Variants in PPDPFL observed in about 807,000 individuals in gnomAD.
The protein encoded by PPDPFL is pancreatic progenitor cell differentiation and proliferation factor like.
In PPDPFL, 12 loss-of-function variants were observed where a neutral mutation model predicts 12.6. That is an observed-to-expected ratio of 0.95 (90% CI 0.61 to 1.54). The LOEUF (loss-of-function observed/expected upper bound fraction) is 1.54, where lower values mean the gene tolerates loss of function less well. PPDPFL is among the 40% of genes most tolerant of loss of function. The pLI is 0.00. For synonymous variants in PPDPFL, 24 were observed against 32.7 expected (o/e 0.73, Z 0.91); for missense variants, 114 against 96.0 (o/e 1.19, Z -0.78).
upstream of PPDPFL, among the ~76,000 whole-genome samples, chr8:49,069,813 T>C (rs1041562737): frequency 6.6e-6 from 1 of 152,138 alleles, no homozygotes; most frequent in East Asian, 1.9e-4. Context: ...TGTCTGCCTA[T>C]AGTCCCAGCT....
At chr8:49,061,395 A>T (rs1808199868) in intron 1 of PPDPFL, among the ~76,000 whole-genome samples, 1 of 152,140 alleles carries the variant, frequency 6.6e-6, no homozygotes, top group Non-Finnish European at 1.5e-5. Flanking sequence ...CTCCTTCCAG[A>T]ACTGTGGGAC....
At chr8:49,066,381 C>A (rs1465504823) in intron 1 of PPDPFL, among the ~76,000 whole-genome samples, 3 of 152,166 alleles carry the variant, frequency 2.0e-5, no homozygotes, top group Non-Finnish European at 2.9e-5. Context: ...AGGACCCTTG[C>A]CATTTTCTGC....
At chr8:49,073,611 GT>G (rs1166676827) in intron 2 of PPDPFL, among the ~76,000 whole-genome samples, 6 of 152,112 alleles carry the variant, frequency 3.9e-5, no homozygotes, top group Admixed American at 3.3e-4. Flanking sequence ...AGAGACATAG[GT>G]TTTAAATACA....
chr8:49,074,496 C>A (rs1419155855), intron 4 of PPDPFL, 163 bp downstream of exon 4: 24 of 1,538,564 alleles, frequency 1.6e-5, no homozygotes, highest in Non-Finnish European at 2.1e-5. Flanking sequence ...ACTAACAGAG[C>A]TCCCTCCTTG....
At chr8:49,062,214 G>A (rs1269076896) in intron 1 of PPDPFL, among the ~76,000 whole-genome samples, 1 of 152,172 alleles carries the variant, frequency 6.6e-6, no homozygotes, top group Admixed American at 6.5e-5. Context: ...AGGAGTGCCA[G>A]ACATAAAGTT....
rs747777229 is a variant in PPDPFL at position 49,074,330 on chromosome 8, C to T, written c.230C>T (p.Thr77Ile). ...GTGAGAATAAAAGATCTGTCTGCTA[C>T]TGGGTGAGTTTTAGCCTTCTCTGGT... ...SNVRIKDLSA[T>I]GLQMSTL The change falls in exon 4 of 5, where the codon ACT becomes ATT. Residue 77 changes from threonine to isoleucine, a missense_variant. Thr to Ile is a moderately conservative substitution (Grantham distance 89). Transcript: ENST00000522267. 3.1e-6 allele frequency: 5 copies of T among 1,613,490 alleles called. No individual in the cohort carries two copies. Among genetic ancestry groups the T allele is most frequent in the Non-Finnish European group, 4.2e-6 (5 of 1,179,522 alleles).
intron 1 of PPDPFL, among the ~76,000 whole-genome samples, chr8:49,067,034 G>T (rs1808311121): frequency 6.6e-6 from 1 of 152,180 alleles, no homozygotes; most frequent in African/African-American, 2.4e-5. Context: ...CCTGATTCTA[G>T]ATGAGATTGG....
rs773918278 is a variant in PPDPFL at position 49,072,851 on chromosome 8, T to A, written c.21T>A (p.Ile7=). 3.7e-6 allele frequency: 6 copies of A among 1,606,910 alleles called. No homozygotes were observed. The highest frequency in any genetic ancestry group is 4.2e-6 in the Non-Finnish European group (5 of 1,177,300). The change falls in exon 2 of 5, where the codon ATT becomes ATA. Residue 7 remains isoleucine (I), a synonymous_variant. Coordinates refer to ENST00000522267, the MANE Select transcript of PPDPFL (RefSeq NM_001256597.2). ...AAGCCATGGCATCCGTACCTTCCAT[T>A]GGTTGCCTTCTAGCCAGAAATCAGT... The part of the protein sequence containing the change: MASVPS[I]GCLLARNQYY...
chr8:49,072,014 C>T (rs866730664), upstream of PPDPFL, among the ~76,000 whole-genome samples: 1 of 152,200 alleles, frequency 6.6e-6, no homozygotes, highest in Non-Finnish European at 1.5e-5. Flanking sequence ...ACGTGCCCAG[C>T]GTGGTGCTGC....
chr8:49,056,752 T>C (rs1434003305), intron 1 of PPDPFL, among the ~76,000 whole-genome samples: 1 of 152,204 alleles, frequency 6.6e-6, no homozygotes, highest in African/African-American at 2.4e-5. Flanking sequence ...TATTCAAAAA[T>C]GCACTAATCA....
intron 1 of PPDPFL, among the ~76,000 whole-genome samples, chr8:49,054,576 G>A (rs970476742): frequency 6.6e-6 from 1 of 152,046 alleles, no homozygotes; most frequent in African/African-American, 2.4e-5. Context: ...TGGATTTTCG[G>A]TTGCTCAGGG....
At chr8:49,065,084 G>C (rs1808273610) in intron 1 of PPDPFL, among the ~76,000 whole-genome samples, 1 of 152,184 alleles carries the variant, frequency 6.6e-6, no homozygotes, top group African/African-American at 2.4e-5. Flanking sequence ...GCTTGAGCCA[G>C]TTATGTTCAT....
intron 1 of PPDPFL, among the ~76,000 whole-genome samples, chr8:49,064,389 C>G (rs1318267023): frequency 6.6e-6 from 1 of 152,152 alleles, no homozygotes; most frequent in Non-Finnish European, 1.5e-5. Context: ...TCTGCAGTGG[C>G]AGGAATTAAA....
intron 1 of PPDPFL, among the ~76,000 whole-genome samples, chr8:49,063,861 G>A (rs1435007523): frequency 1.3e-5 from 2 of 152,184 alleles, no homozygotes; most frequent in Non-Finnish European, 2.9e-5. Flanking sequence ...AGAAAATCAG[G>A]TGTCACAAGC....
chr8:49,071,738 G>C (rs1174209483), upstream of PPDPFL, among the ~76,000 whole-genome samples: 1 of 152,058 alleles, frequency 6.6e-6, no homozygotes, highest in East Asian at 1.9e-4. Flanking sequence ...TTTTGTATCA[G>C]TAAATGATAT....
chr8:49,071,563 G>A (rs1204870700), upstream of PPDPFL, among the ~76,000 whole-genome samples: 1 of 152,114 alleles, frequency 6.6e-6, no homozygotes, highest in African/African-American at 2.4e-5. Context: ...GGCTGAGGCA[G>A]GAGAATGGCG....
chr8:49,065,260 C>T (rs1808277016), intron 1 of PPDPFL, among the ~76,000 whole-genome samples: 1 of 152,172 alleles, frequency 6.6e-6, no homozygotes, highest in African/African-American at 2.4e-5. Flanking sequence ...TATGAGTTAA[C>T]ATTGAGGCTG....
intron 1 of PPDPFL, among the ~76,000 whole-genome samples, chr8:49,063,864 T>G (rs1160418621): frequency 6.6e-6 from 1 of 152,138 alleles, no homozygotes; most frequent in Non-Finnish European, 1.5e-5. Context: ...AAATCAGGTG[T>G]CACAAGCTTC....
At chr8:49,056,744 T>G (rs1270564264) in intron 1 of PPDPFL, among the ~76,000 whole-genome samples, 1 of 152,202 alleles carries the variant, frequency 6.6e-6, no homozygotes, top group Non-Finnish European at 1.5e-5. Context: ...CAGATATATA[T>G]TCAAAAATGC....
Sources: gnomAD v4.1 joint callset for allele counts (sites outside exome capture counted in the v4.1 genomes callset) on GRCh38, gnomAD v4.1.1 for gene constraint, MANE v1.5 for transcripts, NCBI Gene and HGNC (gene_info 2026-07-23, HGNC 2026-07-21) for gene names.